FAM135B: variants seen among roughly 807,000 people sequenced by gnomAD.
The protein encoded by FAM135B is protein FAM135B.
A neutral mutation model predicts 127.7 loss-of-function variants in FAM135B; 43 were observed. The ratio of observed to expected loss-of-function variants is 0.34; its 90% CI spans 0.26 to 0.43. FAM135B has a LOEUF of 0.43. Ranked by LOEUF, FAM135B falls within the 20% of genes least tolerant of loss-of-function variation. FAM135B has a pLI of 1.00. For synonymous variants in FAM135B, 670 were observed against 665.1 expected (o/e 1.01, Z -0.11); for missense variants, 1,558 against 1,725.6 (o/e 0.90, Z 1.72).
chr8:138,186,437 C>T (rs1815585780), intron 9 of FAM135B, among the ~76,000 whole-genome samples: 2 of 152,248 alleles, frequency 1.3e-5, no homozygotes, highest in South Asian at 4.1e-4. Context: ...CACCTTCCCA[C>T]CCCCACCACT....
Position 138,299,688 on chromosome 8 carries a change from T to C in FAM135B, c.157+11153A>G, listed in dbSNP as rs572580489. 2.0e-5 allele frequency among the ~76,000 whole-genome samples: 3 copies of C among 152,252 alleles called. No homozygotes were observed. In the South Asian group the frequency reaches 6.2e-4, roughly 32 times the overall value. On this transcript the variant is annotated intron_variant, in intron 3 of 19. Transcript: ENST00000395297. ...TGAATTTCCTCAAAATGATAGTCCA[T>C]TGGTCTCATGAGTCTCTATGAAAAT...
chr8:138,179,725 G>T (rs1222053545), intron 9 of FAM135B, among the ~76,000 whole-genome samples: 2 of 152,032 alleles, frequency 1.3e-5, no homozygotes, highest in East Asian at 3.9e-4. Flanking sequence ...ACAGGGTCTC[G>T]CTCTGTCACC....
At chr8:138,348,175 C>A (rs1248101821) in intron 2 of FAM135B, among the ~76,000 whole-genome samples, 1 of 94,358 alleles carries the variant, frequency 1.1e-5, no homozygotes, top group Non-Finnish European at 1.9e-5. Context: ...ACTCTTGTTG[C>A]CCAGGCTGGA....
chr8:138,493,970 G>A (rs1029817161), intron 1 of FAM135B, among the ~76,000 whole-genome samples: 7 of 152,172 alleles, frequency 4.6e-5, no homozygotes, highest in Admixed American at 3.9e-4. Flanking sequence ...TGAAATCAAG[G>A]AAAGAAATTG....
Position 138,404,477 on chromosome 8 carries a change from A to G in FAM135B, c.-19-36475T>C, listed in dbSNP as rs1203141655. ...AAATAAGACAACAATGAAGTTTGCC[A>G]TGTCATTGGACCCTTCCTTTCATGA... On this transcript the variant is annotated intron_variant, in intron 1 of 19. Transcript: ENST00000395297. Among the ~76,000 whole-genome samples, 2 of 152,220 alleles carry G rather than the reference A, an allele frequency of 1.3e-5. 1 individual carries two copies. Among genetic ancestry groups the G allele is most frequent in the South Asian group, 4.1e-4 (2 of 4,826 alleles).
At chr8:138,484,395 A>G (rs747246460) in intron 1 of FAM135B, among the ~76,000 whole-genome samples, 2 of 152,188 alleles carry the variant, frequency 1.3e-5, no homozygotes, top group Non-Finnish European at 2.9e-5. Context: ...AATTTTGAAT[A>G]CCCTTCACAG....
At chr8:138,182,656 A>G (rs1179326549) in intron 9 of FAM135B, among the ~76,000 whole-genome samples, 1 of 152,254 alleles carries the variant, frequency 6.6e-6, no homozygotes, top group Non-Finnish European at 1.5e-5. Flanking sequence ...CAAGAGATAT[A>G]TACTGAGTAC....
At chr8:138,195,614 T>C (rs563374178) in intron 8 of FAM135B, among the ~76,000 whole-genome samples, 105 of 150,694 alleles carry the variant, frequency 7.0e-4, no homozygotes, top group African/African-American at 2.4e-3. Context: ...GATTCCACGT[T>C]TATTTCTGTT....
intron 1 of FAM135B, among the ~76,000 whole-genome samples, chr8:138,468,342 T>A (rs1837484099): frequency 6.6e-6 from 1 of 152,214 alleles, no homozygotes. Context: ...TTTATTGCGT[T>A]TTCTGAGTCT....
At chr8:138,318,273 A>AG (rs984954903) in intron 2 of FAM135B, among the ~76,000 whole-genome samples, 67 of 152,228 alleles carry the variant, frequency 4.4e-4, no homozygotes, top group African/African-American at 1.5e-3. Context: ...TTCATGAAGA[A>AG]GGAAAGGGAC....
intron 3 of FAM135B, among the ~76,000 whole-genome samples, chr8:138,290,196 G>A (rs55831343): frequency 6.6e-6 from 1 of 152,300 alleles, no homozygotes; most frequent in Non-Finnish European, 1.5e-5. Flanking sequence ...ACCCTTGGCA[G>A]GGAAGGCAGA....
intron 3 of FAM135B, among the ~76,000 whole-genome samples, chr8:138,281,507 G>A (rs781421310): frequency 1.7e-4 from 25 of 151,420 alleles, no homozygotes; most frequent in Non-Finnish European, 2.9e-4. Flanking sequence ...TGTCCTACAT[G>A]TTTCTAAAAG....
chr8:138,451,201 AATC>A (rs1375359452), intron 1 of FAM135B, among the ~76,000 whole-genome samples: 1 of 152,162 alleles, frequency 6.6e-6, no homozygotes, highest in Non-Finnish European at 1.5e-5. Context: ...TTCTGAACTA[AATC>A]TCTACCATGT....
chr8:138,150,118 T>A (rs568426961), intron 13 of FAM135B, among the ~76,000 whole-genome samples: 1 of 152,346 alleles, frequency 6.6e-6, no homozygotes, highest in East Asian at 1.9e-4. Context: ...ACAAAATGAT[T>A]CTATTATATA....
intron 9 of FAM135B, among the ~76,000 whole-genome samples, chr8:138,180,259 T>G (rs979497405): frequency 6.6e-6 from 1 of 152,122 alleles, no homozygotes; most frequent in Non-Finnish European, 1.5e-5. Flanking sequence ...GGCACATGTT[T>G]AGAATAAGAG....
At chr8:138,350,853 A>ATACC (rs1829732733) in intron 2 of FAM135B, among the ~76,000 whole-genome samples, 1 of 152,176 alleles carries the variant, frequency 6.6e-6, no homozygotes. Context: ...ATTGCCTTGT[A>ATACC]TACCTTGTGG....
At chr8:138,322,503 C>T (rs974368791) in intron 2 of FAM135B, among the ~76,000 whole-genome samples, 6 of 152,168 alleles carry the variant, frequency 3.9e-5, no homozygotes, top group Admixed American at 2.0e-4. Context: ...GTCCTGTCCT[C>T]GGTCTTGTCC....
chr8:138,451,840 G>A (rs1348476467), intron 1 of FAM135B, among the ~76,000 whole-genome samples: 2 of 152,120 alleles, frequency 1.3e-5, no homozygotes, highest in Non-Finnish European at 2.9e-5. Context: ...GGATGGATGG[G>A]TGAACAAATG....
At position 138,192,544 on chromosome 8, in the gene FAM135B, T is replaced by C. The variant is rs540176075; in HGVS notation, c.873+2714A>G. On this transcript the variant is annotated intron_variant, in intron 9 of 19. Transcript: ENST00000395297. ...AAACCTAAGATCAGTGCTCGAGATA[T>C]TTGCAGACCCTGCACTTGACGGATC... 3.9e-5 allele frequency among the ~76,000 whole-genome samples: 6 copies of C among 152,242 alleles called. No homozygotes were observed. The South Asian group carries it at 1.2e-3, about 32-fold the overall frequency.
Sources: allele counts gnomAD v4.1 joint callset (sites outside exome capture counted in the v4.1 genomes callset), GRCh38; gene constraint gnomAD v4.1.1; transcripts MANE v1.5; gene names NCBI Gene and HGNC (gene_info 2026-07-23, HGNC 2026-07-21).